The following NUP205 variants were observed in gnomAD, a reference collection of about 807,000 sequenced individuals.
The protein encoded by NUP205 is nucleoporin 205, also known as nuclear pore complex protein Nup205.
A neutral mutation model predicts 253.8 loss-of-function variants in NUP205; 76 were observed. The ratio of observed to expected loss-of-function variants is 0.30; its 90% CI spans 0.25 to 0.36. The LOEUF (loss-of-function observed/expected upper bound fraction) is 0.36. Ranked by LOEUF, NUP205 falls within the 10% of genes least tolerant of loss-of-function variation. The probability of loss-of-function intolerance (pLI) is 1.00; values close to 1 mark genes in which losing one functional copy is unlikely to be tolerated. For synonymous variants in NUP205, 832 were observed against 850.1 expected (o/e 0.98, Z 0.37); for missense variants, 2,162 against 2,425.5 (o/e 0.89, Z 2.28).
At chr7:135,620,491 C>T (rs2129491443) in intron 30 of NUP205, among the ~76,000 whole-genome samples, 1 of 152,276 alleles carries the variant, frequency 6.6e-6, no homozygotes, top group Admixed American at 6.5e-5. Context: ...GCGCCACTGC[C>T]CTCCAGCCTG....
In NUP205 at chr7:135,601,357, A is replaced by G; in HGVS notation, c.2375-13A>G. The stretch of plus-strand genomic sequence containing the variant: ...AACCCATCATCTCTTGGAATATGTT[A>G]TGTTCTATTTAGGAGAAGAAATCAT... On this transcript the variant is annotated splice_polypyrimidine_tract_variant and intron_variant, in intron 16 of 42. Coordinates refer to ENST00000285968, the MANE Select transcript of NUP205 (RefSeq NM_015135.3). The G allele has an allele frequency of 6.2e-7, 1 of 1,607,848 alleles. No individual in the cohort carries two copies. The highest frequency in any genetic ancestry group is 8.5e-7 in the Non-Finnish European group (1 of 1,177,088).
chr7:135,644,766 T>G, intron 39 of NUP205, 129 bp from the exon 40 acceptor site: 5 of 872,442 alleles, frequency 5.7e-6, no homozygotes, highest in Non-Finnish European at 8.5e-6. Context: ...ATAAAAACTC[T>G]TATCTGCAAG....
intron 2 of NUP205, among the ~76,000 whole-genome samples, chr7:135,571,891 G>A (rs1806007319): frequency 1.3e-5 from 2 of 152,146 alleles, no homozygotes; most frequent in Admixed American, 1.3e-4. Flanking sequence ...TTTAAAGACA[G>A]GGTGTTGCTC....
intron 34 of NUP205, among the ~76,000 whole-genome samples, chr7:135,629,067 C>T (rs1307808868): frequency 6.6e-6 from 1 of 152,200 alleles, no homozygotes; most frequent in Non-Finnish European, 1.5e-5. Flanking sequence ...ACCTGAGGAG[C>T]CTCTTAGAGA....
At chr7:135,591,702 A>G (rs987405287) in intron 11 of NUP205, 102 bp downstream of exon 11, 10 of 991,242 alleles carry the variant, frequency 1.0e-5, no homozygotes, top group South Asian at 8.3e-5. Flanking sequence ...AGGTTCTACC[A>G]GAGGTATAAA....
chr7:135,619,369 A>G, intron 28 of NUP205, 54 bp from the exon 29 acceptor site: 3 of 1,547,272 alleles, frequency 1.9e-6, no homozygotes, highest in Non-Finnish European at 2.6e-6. Flanking sequence ...GAAATTTGTT[A>G]ATGATTATAG....
chr7:135,623,106 C>T (rs947054709), intron 31 of NUP205, among the ~76,000 whole-genome samples, 181 bp downstream of exon 31: 3 of 151,876 alleles, frequency 2.0e-5, no homozygotes, highest in East Asian at 1.9e-4. Flanking sequence ...GGTGAAACCC[C>T]GTCTCTACAA....
At position 135,622,831 on chromosome 7, in the gene NUP205, T is replaced by C. The variant is rs1794503720; in HGVS notation, c.4385T>C (p.Leu1462Ser). ...GCCCCTGAAGATGTATTTAGCAAAT[T>C]ACAGCGAGAAAACATAGCCATTATT... is the stretch of plus-strand genomic sequence containing the variant. ...LTAPEDVFSKLQRENIAIIES... is the reference protein window; with the variant it reads ...LTAPEDVFSKSQRENIAIIES... Residue 1462 changes from leucine to serine, a missense_variant, in exon 31 of 43, where the codon TTA becomes TCA. Leu to Ser is a moderately radical substitution (Grantham distance 145). Around this residue, in one of 5 missense-constraint regions of NUP205, gnomAD observed 1,144 missense variants for 1,280.9 expected, o/e 0.89. Coordinates refer to ENST00000285968, the MANE Select transcript of NUP205 (RefSeq NM_015135.3). 5.0e-6 allele frequency: 8 copies of C among 1,614,152 alleles called. No homozygotes were observed. The highest frequency in any genetic ancestry group is 6.8e-6 in the Non-Finnish European group (8 of 1,179,998).
At chr7:135,585,998 A>G (rs1415689500) in intron 8 of NUP205, among the ~76,000 whole-genome samples, 6 of 152,230 alleles carry the variant, frequency 3.9e-5, no homozygotes, top group Admixed American at 3.9e-4. Flanking sequence ...GCTATTTCAA[A>G]CAGTTCCTTA....
At chr7:135,589,098 G>C (rs71539415) in intron 10 of NUP205, among the ~76,000 whole-genome samples, 5 of 150,482 alleles carry the variant, frequency 3.3e-5, no homozygotes, top group African/African-American at 1.2e-4. Context: ...TGAGCCCCGG[G>C]GTTTGAGGTT....
rs1487648841 is a variant in NUP205, at chr7:135,639,052, T to G, written c.5392+369T>G. On this transcript the variant is annotated intron_variant, in intron 38 of 42. Coordinates refer to ENST00000285968, the MANE Select transcript of NUP205 (RefSeq NM_015135.3). ...TTCAGTGTCTAAACTGGGTTTTTTA[T>G]TATAGCTCCAAATTTCTATAACATA... is the stretch of plus-strand genomic sequence containing the variant. Among the ~76,000 whole-genome samples, 10 of 152,212 alleles carry G rather than the reference T, an allele frequency of 6.6e-5. No individual in the cohort carries two copies. The East Asian group carries it at 1.9e-3, about 29-fold the overall frequency.
rs1254563774 is a variant in NUP205, at chr7:135,619,871, C to G, written c.4313C>G (p.Pro1438Arg). 1 of 1,609,694 alleles carries G rather than the reference C, an allele frequency of 6.2e-7. No individual in the cohort carries two copies. Among genetic ancestry groups the G allele is most frequent in the Non-Finnish European group, 8.5e-7 (1 of 1,176,290 alleles). ...YLQIAQRPDE[P>R]DTLEAAKKTM... Reference sequence around the variant, plus strand: ...CAGATTGCCCAGAGACCTGATGAACCAGACACCTTAGAAGCAGGTAGAATG... The same window carrying G: ...CAGATTGCCCAGAGACCTGATGAACGAGACACCTTAGAAGCAGGTAGAATG... The change falls in exon 30 of 43, where the codon CCA becomes CGA. Residue 1438 changes from proline (P) to arginine (R), a missense_variant. Physicochemically the swap from Pro to Arg is moderately radical, Grantham distance 103. This residue lies in a region of NUP205 where 1,144 missense variants were observed against 1,280.9 expected (regional missense o/e 0.89). Coordinates refer to ENST00000285968, the MANE Select transcript of NUP205 (RefSeq NM_015135.3).
In NUP205 at chr7:135,605,697, C is replaced by T. The variant is rs200502319; in HGVS notation, c.2824-448C>T. Among the ~76,000 whole-genome samples, 3 of 152,062 alleles carry T rather than the reference C, an allele frequency of 2.0e-5. No individual in the cohort carries two copies. In the South Asian group the frequency reaches 6.3e-4, roughly 32 times the overall value. ...ATTGTTATTACTGATTTAACATCCT[C>T]CTAGATTATTAAAGGCAAAATCAGC... On this transcript the variant is annotated intron_variant, in intron 19 of 42. Coordinates refer to ENST00000285968, the MANE Select transcript of NUP205 (RefSeq NM_015135.3).
At chr7:135,615,116 A>G (rs1794328625) in intron 23 of NUP205, among the ~76,000 whole-genome samples, 1 of 152,222 alleles carries the variant, frequency 6.6e-6, no homozygotes, top group Admixed American at 6.5e-5. Context: ...AAAAATTAAC[A>G]TCTTACCTAT....
At chr7:135,567,118 G>GTC (rs1805782895) in intron 1 of NUP205, among the ~76,000 whole-genome samples, 1 of 2,970 alleles carries the variant, frequency 3.4e-4, no homozygotes, top group Non-Finnish European at 8.7e-4. Flanking sequence ...GTCTTGCTCA[G>GTC]TCTATGTGTG....
chr7:135,596,226 G>A (rs1394798780), intron 13 of NUP205, among the ~76,000 whole-genome samples: 2 of 152,184 alleles, frequency 1.3e-5, no homozygotes, highest in Admixed American at 6.5e-5. Flanking sequence ...GAGCCACCAC[G>A]CCCAGCCAGA....
At chr7:135,643,459 A>G in intron 39 of NUP205, 101 bp downstream of exon 39, 1 of 827,996 alleles carries the variant, frequency 1.2e-6, no homozygotes, top group East Asian at 2.7e-5. Flanking sequence ...GTATGACTGA[A>G]GGAATTGGAA....
At chr7:135,608,182 T>C (rs1055352232) in intron 22 of NUP205, among the ~76,000 whole-genome samples, 4 of 151,852 alleles carry the variant, frequency 2.6e-5, no homozygotes, top group African/African-American at 9.7e-5. Flanking sequence ...GTGCCCACCA[T>C]GCCCAGCTAA....
intron 1 of NUP205, among the ~76,000 whole-genome samples, chr7:135,560,301 A>G (rs1805548928): frequency 6.6e-6 from 1 of 152,142 alleles, no homozygotes; most frequent in African/African-American, 2.4e-5. Flanking sequence ...TGGCCTATAT[A>G]CATTCCTTTA....
Sources: gnomAD v4.1 joint callset for allele counts (sites outside exome capture counted in the v4.1 genomes callset) on GRCh38, gnomAD v4.1.1 for gene constraint, gnomAD v4.1.1 regional missense constraint, MANE v1.5 for transcripts, NCBI Gene and HGNC (gene_info 2026-07-23, HGNC 2026-07-21) for gene names.